The following PCDH11X variants were observed in gnomAD, a reference collection of about 807,000 sequenced individuals.
PCDH11X encodes protocadherin-11 X-linked.
In PCDH11X, 18 loss-of-function variants were observed where a neutral mutation model predicts 53.3. That is an observed-to-expected ratio of 0.34 (90% CI 0.23 to 0.50). The LOEUF is 0.50. Among genes scored for constraint, PCDH11X ranks in the 20% least tolerant of loss-of-function variants. The pLI, the probability that PCDH11X is intolerant of heterozygous loss-of-function variation, is 0.98. For synonymous variants in PCDH11X, 279 were observed against 393.3 expected (o/e 0.71, Z 3.44); for missense variants, 570 against 1,032.4 (o/e 0.55, Z 6.14).
At chrX:92,222,340 A>G (rs1404526369) in intron 7 of PCDH11X, among the ~76,000 whole-genome samples, 1 of 111,816 alleles carries the variant, frequency 8.9e-6, no homozygotes, top group East Asian at 2.8e-4. Context: ...CCAAATGTAA[A>G]AGAAAAAATA....
intron 10 of PCDH11X, among the ~76,000 whole-genome samples, chrX:92,563,737 G>A (rs1240013989): frequency 9.0e-6 from 1 of 111,607 alleles, no homozygotes; most frequent in African/African-American, 3.3e-5. Context: ...ATATATTAAT[G>A]TGCTAGAAGA....
intron 10 of PCDH11X, among the ~76,000 whole-genome samples, chrX:92,537,263 A>AG (rs1214158415): frequency 2.1e-4 from 23 of 108,371 alleles, no homozygotes; most frequent in African/African-American, 7.4e-4. Context: ...GTATTACTTA[A>AG]GAAATTTTGG....
At chrX:92,470,620 T>A (rs978627686) in intron 10 of PCDH11X, among the ~76,000 whole-genome samples, 2 of 111,673 alleles carry the variant, frequency 1.8e-5, no homozygotes, top group Admixed American at 9.5e-5. Flanking sequence ...TGAGGTATGT[T>A]CATCCTATAA....
intron 8 of PCDH11X, among the ~76,000 whole-genome samples, chrX:92,308,415 T>G (rs1347591367): frequency 2.7e-5 from 3 of 111,698 alleles, no homozygotes; most frequent in Non-Finnish European, 5.7e-5. Context: ...ACAGTCTATT[T>G]AACAAGTGGT....
At chrX:92,166,700 C>A (rs2065737449) in intron 6 of PCDH11X, among the ~76,000 whole-genome samples, 1 of 109,474 alleles carries the variant, frequency 9.1e-6, no homozygotes, top group Non-Finnish European at 1.9e-5. Flanking sequence ...TAGTTGGAGA[C>A]CAGCCCAGTC....
chrX:92,051,688 G>T (rs1471524746), intron 6 of PCDH11X, among the ~76,000 whole-genome samples: 2 of 111,601 alleles, frequency 1.8e-5, no homozygotes, highest in African/African-American at 3.2e-5. Flanking sequence ...TATCTTCAAA[G>T]AATCAAATGG....
intron 8 of PCDH11X, among the ~76,000 whole-genome samples, chrX:92,330,625 C>A (rs1045864977): frequency 8.1e-5 from 9 of 110,536 alleles, no homozygotes; most frequent in African/African-American, 3.0e-4. Flanking sequence ...CCATTCATAG[C>A]AGTTTTATTA....
chrX:92,432,657 G>A (rs748067278), intron 9 of PCDH11X, among the ~76,000 whole-genome samples: 11 of 108,953 alleles, frequency 1.0e-4, no homozygotes, highest in South Asian at 8.0e-4. Context: ...TGTTAAAAAG[G>A]GGGAGGGAGG....
intron 6 of PCDH11X, among the ~76,000 whole-genome samples, chrX:92,132,656 T>TATAC (rs2065009329): frequency 1.2e-4 from 7 of 56,483 alleles, no homozygotes; most frequent in Non-Finnish European, 2.0e-4. Context: ...TATATATATA[T>TATAC]GTATATATAT....
At chrX:92,229,357 C>A (rs2067027960) in intron 7 of PCDH11X, among the ~76,000 whole-genome samples, 1 of 110,844 alleles carries the variant, frequency 9.0e-6, no homozygotes, top group Non-Finnish European at 1.9e-5. Flanking sequence ...CTCATTTTGC[C>A]AAGGTCTCAT....
intron 7 of PCDH11X, among the ~76,000 whole-genome samples, chrX:92,225,570 C>G (rs754395724): frequency 9.0e-6 from 1 of 111,436 alleles, no homozygotes; most frequent in African/African-American, 3.2e-5. Context: ...GAAGTGATTA[C>G]ATTTGACTGG....
At chrX:92,370,815 A>C (rs1448790479) in intron 8 of PCDH11X, among the ~76,000 whole-genome samples, 2 of 112,056 alleles carry the variant, frequency 1.8e-5, no homozygotes, top group African/African-American at 6.5e-5. Flanking sequence ...TTGACAATGG[A>C]ATATTGAAGT....
In PCDH11X at chrX:92,324,915, A is replaced by G. The variant is rs555299440; in HGVS notation, c.3144+61772A>G. On this transcript the variant is annotated intron_variant, in intron 8 of 10. Transcript: ENST00000682573. ...AATGTTTAGCTTTCACTTGTAAATG[A>G]GAACATGAGATATTTGGTTTTCTGT... is the stretch of plus-strand genomic sequence containing the variant. Among the ~76,000 whole-genome samples the G allele has an allele frequency of 8.5e-5, 9 of 106,421 alleles. No homozygotes were observed. In the East Asian group the frequency reaches 1.5e-3, roughly 18 times the overall value. 92.4% of individuals were successfully genotyped at this position (106,421 alleles called of 115,157 possible).
chrX:92,280,107 C>G (rs181183179), intron 8 of PCDH11X, among the ~76,000 whole-genome samples: 1 of 112,119 alleles, frequency 8.9e-6, no homozygotes, highest in Non-Finnish European at 1.9e-5. Flanking sequence ...ATAGGCTATA[C>G]CATATACACA....
intron 1 of PCDH11X, among the ~76,000 whole-genome samples, chrX:91,783,845 C>A (rs1935243289): frequency 8.9e-6 from 1 of 111,857 alleles, no homozygotes; most frequent in African/African-American, 3.3e-5. Flanking sequence ...CTGAAGAGTC[C>A]ACGAACTTTA....
intron 10 of PCDH11X, among the ~76,000 whole-genome samples, chrX:92,595,392 C>T (rs1344112668): frequency 9.0e-6 from 1 of 110,592 alleles, no homozygotes; most frequent in Non-Finnish European, 1.9e-5. Context: ...TCTGAGATTT[C>T]CTATGGAATA....
intron 6 of PCDH11X, among the ~76,000 whole-genome samples, chrX:92,151,690 T>TATC (rs1317728464): frequency 1.8e-5 from 2 of 111,683 alleles, no homozygotes; most frequent in Non-Finnish European, 3.8e-5. Flanking sequence ...CATTAGTATT[T>TATC]ATTATTATCG....
At chrX:91,919,787 T>TA (rs202002974) in intron 6 of PCDH11X, among the ~76,000 whole-genome samples, 3 of 111,402 alleles carry the variant, frequency 2.7e-5, no homozygotes, top group Admixed American at 9.6e-5. Flanking sequence ...AAAAAGAAAG[T>TA]AAAAAAAATG....
At chrX:91,982,990 C>T (rs1451750686) in intron 6 of PCDH11X, 1 of 1,171,511 alleles carries the variant, frequency 8.5e-7, no homozygotes, top group Non-Finnish European at 1.2e-6. Flanking sequence ...GTCTTGCAGC[C>T]AACTGCAAAG....
Sources: allele counts gnomAD v4.1 joint callset (sites outside exome capture counted in the v4.1 genomes callset), GRCh38; gene constraint gnomAD v4.1.1; transcripts MANE v1.5; gene names NCBI Gene and HGNC (gene_info 2026-07-23, HGNC 2026-07-21).